The following RGS6 variants were observed in gnomAD, a reference collection of about 807,000 sequenced individuals.
The protein encoded by RGS6 is regulator of G protein signaling 6.
RGS6 carries 30 observed loss-of-function variants against 78.5 expected under a neutral mutation model. That is an observed-to-expected ratio of 0.38 (90% CI 0.29 to 0.52). RGS6 has a LOEUF of 0.52. Ranked by LOEUF, RGS6 falls within the 20% of genes least tolerant of loss-of-function variation. The probability of loss-of-function intolerance (pLI) is 0.85; values close to 1 mark genes in which losing one functional copy is unlikely to be tolerated. For synonymous variants in RGS6, 206 were observed against 206.0 expected (o/e 1.00, Z 0.00); for missense variants, 495 against 609.7 (o/e 0.81, Z 1.98).
chr14:72,360,902 A>C (rs1366913615), intron 3 of RGS6, among the ~76,000 whole-genome samples: 1 of 152,042 alleles, frequency 6.6e-6, no homozygotes, highest in South Asian at 2.1e-4. Context: ...CCTCCATGCT[A>C]TTCTCATGAT....
intron 3 of RGS6, among the ~76,000 whole-genome samples, chr14:72,401,138 A>T (rs1261714241): frequency 6.6e-6 from 1 of 152,018 alleles, no homozygotes; most frequent in African/African-American, 2.4e-5. Flanking sequence ...TTTCTATCTT[A>T]TCTTTACCCC....
At chr14:71,871,662 C>T in the RGS6 span, among the ~76,000 whole-genome samples, 1 of 152,134 alleles carries the variant, frequency 6.6e-6, no homozygotes, top group Non-Finnish European at 1.5e-5. Flanking sequence ...CCTTGAGGTC[C>T]TCCCTGACCC....
chr14:71,924,101 G>A, the RGS6 span, among the ~76,000 whole-genome samples: 1 of 151,534 alleles, frequency 6.6e-6, no homozygotes, highest in East Asian at 1.9e-4. Context: ...CTGGAGTGCA[G>A]TGGTGCAATC....
At chr14:72,402,355 G>A (rs907668487) in intron 3 of RGS6, among the ~76,000 whole-genome samples, 1 of 152,164 alleles carries the variant, frequency 6.6e-6, no homozygotes, top group Admixed American at 6.6e-5. Flanking sequence ...TGAAGTAAAA[G>A]CAACTTCGCA....
chr14:72,148,114 G>C (rs1474354437), intron 2 of RGS6, among the ~76,000 whole-genome samples: 1 of 116,868 alleles, frequency 8.6e-6, no homozygotes, highest in Non-Finnish European at 1.6e-5. Context: ...CTGGGTGACA[G>C]AGCAAGACTC....
At chr14:72,341,854 G>A (rs1248292795) in intron 2 of RGS6, among the ~76,000 whole-genome samples, 3 of 152,174 alleles carry the variant, frequency 2.0e-5, no homozygotes, top group Admixed American at 6.5e-5. Context: ...CAGAAAGGAT[G>A]AGTGATCCTA....
chr14:72,052,719 C>T (rs2093324822), intron 2 of RGS6, among the ~76,000 whole-genome samples: 1 of 152,156 alleles, frequency 6.6e-6, no homozygotes, highest in African/African-American at 2.4e-5. Flanking sequence ...TCTGGTCCAT[C>T]TCTATACTTT....
chr14:72,237,888 A>C (rs847274), intron 2 of RGS6, among the ~76,000 whole-genome samples: 1 of 151,894 alleles, frequency 6.6e-6, no homozygotes, highest in Non-Finnish European at 1.5e-5. Context: ...AGCAGTTACT[A>C]TCTGCAGATA....
chr14:72,115,807 C>T (rs1233078285), intron 2 of RGS6, among the ~76,000 whole-genome samples: 1 of 152,218 alleles, frequency 6.6e-6, no homozygotes, highest in Non-Finnish European at 1.5e-5. Flanking sequence ...TCCAGCTTAG[C>T]TAGGTTGACT....
intron 4 of RGS6, 132 bp downstream of exon 4, chr14:72,454,710 T>G: frequency 3.1e-6 from 2 of 640,794 alleles, no homozygotes; most frequent in South Asian, 4.4e-5. Context: ...GTGGAATCAC[T>G]CTATTTACAA....
intron 2 of RGS6, among the ~76,000 whole-genome samples, chr14:72,323,826 A>AC (rs1567754395): frequency 6.8e-6 from 1 of 146,846 alleles, no homozygotes; most frequent in Admixed American, 6.8e-5. Context: ...AAAAAAAAAA[A>AC]AAAAAAAAAA....
chr14:72,024,263 C>T (rs8021632), intron 2 of RGS6, among the ~76,000 whole-genome samples: 11,758 of 152,240 alleles, frequency 0.077, 486 homozygotes, highest in South Asian at 0.096. Context: ...GAACCTTGCC[C>T]CTGTGCACAC....
At chr14:71,919,700 A>T in the RGS6 span, among the ~76,000 whole-genome samples, 558 of 152,224 alleles carry the variant, frequency 3.7e-3, 3 homozygotes, top group African/African-American at 0.012. Flanking sequence ...ACACATTAGA[A>T]ATAATTTTTT....
At chr14:72,532,169 T>C (rs57800820) in intron 15 of RGS6, among the ~76,000 whole-genome samples, 1,718 of 152,384 alleles carry the variant, frequency 0.011, 57 homozygotes, top group East Asian at 0.1. Flanking sequence ...ATGTGCTTAC[T>C]TTGTGTCTGT....
Position 71,993,075 on chromosome 14 carries a change from G to T in RGS6, c.84+28200G>T, listed in dbSNP as rs543198951. On this transcript the variant is annotated intron_variant, in intron 2 of 17. Transcript: ENST00000553525. ...TTAAGGAGATGTTGTCTTTACAATT[G>T]AAGATAATTAAATGGAAAAGTATTT... Among the ~76,000 whole-genome samples, 6 of 152,278 alleles carry T rather than the reference G, an allele frequency of 3.9e-5. No individual in the cohort carries two copies. The South Asian group carries it at 1.2e-3, about 32-fold the overall frequency.
intron 3 of RGS6, among the ~76,000 whole-genome samples, chr14:72,390,141 A>G (rs556386634): frequency 2.4e-4 from 33 of 139,402 alleles, no homozygotes; most frequent in Admixed American, 3.8e-4. Flanking sequence ...TCTGTCACCC[A>G]GGATGGAGTG....
chr14:72,554,054 G>A (rs1439333002), intron 17 of RGS6, among the ~76,000 whole-genome samples: 1 of 152,222 alleles, frequency 6.6e-6, no homozygotes, highest in Non-Finnish European at 1.5e-5. Context: ...CCTCCGGTTA[G>A]GAATCCATGT....
downstream of RGS6, among the ~76,000 whole-genome samples, chr14:72,567,592 C>A (rs1217586088): frequency 6.6e-6 from 1 of 152,206 alleles, no homozygotes; most frequent in Non-Finnish European, 1.5e-5. Context: ...TCTCCCTACA[C>A]CCTTCTGGGG....
At chr14:72,190,490 G>T (rs950253057) in intron 2 of RGS6, among the ~76,000 whole-genome samples, 2 of 152,184 alleles carry the variant, frequency 1.3e-5, no homozygotes, top group African/African-American at 2.4e-5. Flanking sequence ...GACAGGAAGA[G>T]GCCCATTGGT....
Sources: allele counts gnomAD v4.1 joint callset (sites outside exome capture counted in the v4.1 genomes callset), GRCh38; gene constraint gnomAD v4.1.1; transcripts MANE v1.5; gene names NCBI Gene and HGNC (gene_info 2026-07-23, HGNC 2026-07-21).